The following ECHDC3 variants were observed in gnomAD, a reference collection of about 807,000 sequenced individuals.
ECHDC3 encodes the protein enoyl-CoA hydratase domain-containing protein 3, mitochondrial.
In ECHDC3, 20 loss-of-function variants were observed where a neutral mutation model predicts 17.9. The observed-to-expected ratio is 1.12, with a 90% confidence interval of 0.79 to 1.63. The LOEUF is 1.63. Ranked by LOEUF, ECHDC3 falls within the 40% of genes most tolerant of loss-of-function variation. The pLI is 0.00. For synonymous variants in ECHDC3, 177 were observed against 149.7 expected, an observed-to-expected ratio of 1.18 and a Z score of -1.33; for missense variants, 407 against 357.7, an observed-to-expected ratio of 1.14 and a Z score of -1.11.
intron 3 of ECHDC3, among the ~76,000 whole-genome samples, chr10:11,754,935 G>A (rs1232485407): frequency 6.6e-6 from 1 of 152,214 alleles, no homozygotes; most frequent in Non-Finnish European, 1.5e-5. Context: ...ATAGGAGTTA[G>A]TGCTTTCTGT....
At chr10:11,759,371 CAAAAAAAAAAA>C (rs71513303) in intron 4 of ECHDC3, among the ~76,000 whole-genome samples, 4 of 74,286 alleles carry the variant, frequency 5.4e-5, no homozygotes, top group Non-Finnish European at 1.2e-4. Flanking sequence ...AAAAAAAAAA[CAAAAAAAAAAA>C]ACACGCAGTC....
chr10:11,755,844 A>T, intron 4 of ECHDC3: 1 of 485,870 alleles, frequency 2.1e-6, no homozygotes, highest in Non-Finnish European at 3.7e-6. Context: ...TTGTGAAATC[A>T]CTGCATTTCC....
intron 4 of ECHDC3, among the ~76,000 whole-genome samples, chr10:11,761,729 C>T (rs1017421357): frequency 1.2e-4 from 18 of 152,240 alleles, no homozygotes; most frequent in Admixed American, 7.2e-4. Context: ...GGCCAGGTCC[C>T]AAGAGCAAGA....
Position 11,763,963 on chromosome 10 carries a change from A to C in ECHDC3, c.*419A>C. The stretch of plus-strand genomic sequence containing the variant: ...GAGAGGCGACACATTTCAAATCTCC[A>C]CGAGATATTCTCCACACAGAAAATC... On this transcript the variant is annotated 3_prime_UTR_variant, in exon 5 of 5. Coordinates refer to ENST00000379215, the MANE Select transcript of ECHDC3 (RefSeq NM_024693.5). The surrounding 1 kb of genome is among the most constrained non-coding windows in gnomAD (Gnocchi z 4.9). 21 of 990,698 alleles carry C rather than the reference A, an allele frequency of 2.1e-5. No homozygotes were observed. The highest frequency in any genetic ancestry group is 2.3e-5 in the Non-Finnish European group (19 of 833,020). The allele number at this position is 990,698 out of a possible 1,614,324, so 61.4% of individuals were successfully genotyped here.
chr10:11,743,458 A>C (rs1316273408), intron 1 of ECHDC3, among the ~76,000 whole-genome samples: 1 of 152,238 alleles, frequency 6.6e-6, no homozygotes, highest in Admixed American at 6.5e-5. Flanking sequence ...AGGGGTAGAG[A>C]GCCAGCCCGT....
Position 11,749,580 on chromosome 10 carries a change from G to A in ECHDC3, c.378G>A (p.Gln126=). Residue 126 remains glutamine, a synonymous_variant, in exon 3 of 5, where the codon CAG becomes CAA. Coordinates refer to ENST00000379215, the MANE Select transcript of ECHDC3 (RefSeq NM_024693.5). ...QGRDYHAEVF[Q]TCSKVMMHIR... ...GTGATTACCATGCCGAAGTATTTCA[G>A]ACCTGTTCCAAGGTAAGCCAAGACG... 1 of 1,614,096 alleles carries A rather than the reference G, an allele frequency of 6.2e-7. No individual in the cohort carries two copies. Among genetic ancestry groups the A allele is most frequent in the South Asian group, 1.1e-5 (1 of 91,080 alleles).
Position 11,763,376 on chromosome 10 carries a change from G to A in ECHDC3, c.744G>A (p.Val248=). The part of the protein sequence containing the change: ...RKIASLSRPV[V]SLGKATFYKQ... ...TCGCATCGCTGAGCCGTCCGGTGGT[G>A]TCCCTGGGCAAAGCCACCTTCTACA... The change falls in exon 5 of 5, where the codon GTG becomes GTA. Residue 248 remains valine, a synonymous_variant. Coordinates refer to ENST00000379215, the MANE Select transcript of ECHDC3 (RefSeq NM_024693.5). The surrounding 1 kb of genome is among the most constrained non-coding windows in gnomAD (Gnocchi z 4.9). 1 of 779,744 alleles carries A rather than the reference G, an allele frequency of 1.3e-6. No individual in the cohort carries two copies. Among genetic ancestry groups the A allele is most frequent in the South Asian group, 1.3e-5 (1 of 74,650 alleles). 48.3% of individuals were successfully genotyped at this position (779,744 alleles called of 1,614,324 possible).
intron 4 of ECHDC3, among the ~76,000 whole-genome samples, chr10:11,756,750 A>ATT (rs58664530): frequency 1.5e-4 from 22 of 144,654 alleles, no homozygotes; most frequent in African/African-American, 4.5e-4. Context: ...TCATTCAGTA[A>ATT]TTTTTTTTTT....
At chr10:11,749,653 G>A (rs1832802071) in intron 3 of ECHDC3, 61 bp downstream of exon 3, 4 of 1,511,804 alleles carry the variant, frequency 2.6e-6, no homozygotes, top group Non-Finnish European at 3.6e-6. Context: ...TAAATGTTGA[G>A]TTCGCCTTCG....
chr10:11,743,373 A>C (rs568410386), intron 1 of ECHDC3, among the ~76,000 whole-genome samples: 1 of 152,344 alleles, frequency 6.6e-6, no homozygotes, highest in South Asian at 2.1e-4. Context: ...CTACCCTGAG[A>C]TGTTCACCTT....
At chr10:11,748,115 T>C (rs2133787953) in intron 2 of ECHDC3, among the ~76,000 whole-genome samples, 1 of 152,368 alleles carries the variant, frequency 6.6e-6, no homozygotes, top group East Asian at 1.9e-4. Context: ...TATCCATGGT[T>C]AATCAAAAGT....
chr10:11,743,111 A>T (rs186774004), intron 1 of ECHDC3, among the ~76,000 whole-genome samples: 1 of 152,320 alleles, frequency 6.6e-6, no homozygotes, highest in East Asian at 1.9e-4. Flanking sequence ...GGGGGCCAGG[A>T]CAGTAAATAG....
At position 11,758,087 on chromosome 10, in the gene ECHDC3, A is replaced by G. The variant is rs1389121918; in HGVS notation, c.591+2479A>G. Among the ~76,000 whole-genome samples, 8 of 152,224 alleles carry G rather than the reference A, an allele frequency of 5.3e-5. No homozygotes were observed. In the East Asian group the frequency reaches 9.7e-4, roughly 18 times the overall value. On this transcript the variant is annotated intron_variant, in intron 4 of 4. Coordinates refer to ENST00000379215, the MANE Select transcript of ECHDC3 (RefSeq NM_024693.5). ...TCTCACACTGGATAAGACAACATGT[A>G]TGGGTCACTAGTGCCCTCTCCTGGC...
At chr10:11,748,801 G>T (rs1300521966) in intron 2 of ECHDC3, among the ~76,000 whole-genome samples, 3 of 152,192 alleles carry the variant, frequency 2.0e-5, no homozygotes, top group Non-Finnish European at 4.4e-5. Flanking sequence ...CACAAGAATT[G>T]CTTGAACCTG....
At chr10:11,747,203 T>G in intron 1 of ECHDC3, 146 bp from the exon 2 acceptor site, 1 of 1,033,166 alleles carries the variant, frequency 9.7e-7, no homozygotes, top group Non-Finnish European at 1.3e-6. Flanking sequence ...TCCAGAGAGT[T>G]GACAGACCCT....
In ECHDC3 at chr10:11,763,215, TC is replaced by T; in HGVS notation, c.592-5del. On this transcript the variant is annotated splice_region_variant and splice_polypyrimidine_tract_variant and intron_variant, in intron 4 of 4. Coordinates refer to ENST00000379215, the MANE Select transcript of ECHDC3 (RefSeq NM_024693.5). This position sits in a 1 kb window ranked among gnomAD's most constrained non-coding sequence, Gnocchi z 4.9. ...GAGCACCTCAGTGACATCCCGTGTCTCCCCGTAGGTGGCCTTGGAGATGCTC... is the reference window on the plus strand; with the variant it reads ...GAGCACCTCAGTGACATCCCGTGTCTCCCGTAGGTGGCCTTGGAGATGCTC... The T allele has an allele frequency of 1.3e-6, 1 of 766,726 alleles. No individual in the cohort carries two copies. 47.5% of individuals were successfully genotyped at this position (766,726 alleles called of 1,614,324 possible). A position where few individuals can be genotyped will look rare whatever the true frequency, so the allele number is the denominator to read the frequency against.
chr10:11,764,056 A>G lies in ECHDC3; in HGVS notation c.*512A>G. On this transcript the variant is annotated 3_prime_UTR_variant, in exon 5 of 5. Transcript: ENST00000379215. ...TAATCTTATGTGATTTAAATAAATT[A>G]AATCTTTATAGAGACTGGTATGTTT... 1.4e-6 allele frequency: 1 copy of G among 727,362 alleles called. No homozygotes were observed. Among genetic ancestry groups the G allele is most frequent in the Non-Finnish European group, 1.7e-6 (1 of 594,070 alleles). 45.1% of individuals were successfully genotyped at this position (727,362 alleles called of 1,614,324 possible). A position where few individuals can be genotyped will look rare whatever the true frequency, so the allele number is the denominator to read the frequency against.
rs1428191913 is a variant in ECHDC3, at chr10:11,747,351, A to G, written c.173A>G (p.Asn58Ser). ...TSARQLDGIR[N>S]IVLSNPKKRN... Reference sequence around the variant, plus strand: ...TGATTGTAAAATGTTCTTCACAGGAACATCGTCTTGAGCAATCCCAAGAAG... The same window carrying G: ...TGATTGTAAAATGTTCTTCACAGGAGCATCGTCTTGAGCAATCCCAAGAAG... The change falls in exon 2 of 5, where the codon AAC (asparagine) becomes AGC (serine). Residue 58 changes from asparagine (N) to serine (S), a missense_variant and splice_region_variant. Asn to Ser is a conservative substitution (Grantham distance 46). Coordinates refer to ENST00000379215, the MANE Select transcript of ECHDC3 (RefSeq NM_024693.5). 6.2e-7 allele frequency: 1 copy of G among 1,613,776 alleles called. No individual in the cohort carries two copies. The highest frequency in any genetic ancestry group is 8.5e-7 in the Non-Finnish European group (1 of 1,179,776).
intron 4 of ECHDC3, among the ~76,000 whole-genome samples, chr10:11,761,573 G>A (rs544581337): frequency 1.3e-5 from 2 of 152,344 alleles, no homozygotes; most frequent in Admixed American, 1.3e-4. Context: ...CAGAAGGTTG[G>A]CAGCCTCAGC....
Sources: allele counts gnomAD v4.1 joint callset (sites outside exome capture counted in the v4.1 genomes callset), GRCh38; gene constraint gnomAD v4.1.1; non-coding constraint Gnocchi (gnomAD v3.1); transcripts MANE v1.5; gene names NCBI Gene and HGNC (gene_info 2026-07-23, HGNC 2026-07-21).